The following SRRM4 variants were observed in gnomAD, a reference collection of about 807,000 sequenced individuals.
SRRM4 encodes the protein serine/arginine repetitive matrix protein 4.
A neutral mutation model predicts 68.9 loss-of-function variants in SRRM4; 33 were observed. That is an observed-to-expected ratio of 0.48 (90% confidence interval 0.36 to 0.64). The LOEUF (loss-of-function observed/expected upper bound fraction) is 0.64. SRRM4 is among the 30% of genes least tolerant of loss of function. The pLI, the probability that SRRM4 is intolerant of heterozygous loss-of-function variation, is 0.00. For synonymous variants in SRRM4, 318 were observed against 318.8 expected, an observed-to-expected ratio of 1.00 and a Z score of 0.03; for missense variants, 817 against 827.1, an observed-to-expected ratio of 0.99 and a Z score of 0.15.
chr12:119,063,933 C>A (rs930811506), intron 1 of SRRM4, among the ~76,000 whole-genome samples: 3 of 152,200 alleles, frequency 2.0e-5, no homozygotes, highest in South Asian at 2.1e-4. Flanking sequence ...ATGTAAGAGC[C>A]CCAGGCTTTA....
intron 5 of SRRM4, 48 bp from the exon 6 acceptor site, chr12:119,122,022 T>C: frequency 7.8e-7 from 1 of 1,283,068 alleles, no homozygotes. Flanking sequence ...TTGTTTATCT[T>C]TAACTAGAAT....
At chr12:119,043,771 C>A (rs1178520364) in intron 1 of SRRM4, among the ~76,000 whole-genome samples, 1 of 133,454 alleles carries the variant, frequency 7.5e-6, no homozygotes. Flanking sequence ...CACACATACA[C>A]GCATACACAC....
At chr12:119,073,099 A>AG (rs1953887721) in intron 1 of SRRM4, among the ~76,000 whole-genome samples, 1 of 151,476 alleles carries the variant, frequency 6.6e-6, no homozygotes, top group East Asian at 1.9e-4. Context: ...AAAGGAAAAA[A>AG]AAAAATGTGA....
intron 1 of SRRM4, among the ~76,000 whole-genome samples, chr12:119,077,832 T>C (rs1953925524): frequency 6.6e-6 from 1 of 152,158 alleles, no homozygotes. Context: ...ACAATTACCT[T>C]CCATAAACTA....
Position 119,102,349 on chromosome 12 carries a change from C to T in SRRM4, c.245C>T (p.Thr82Ile). 1 of 1,613,260 alleles carries T rather than the reference C, an allele frequency of 6.2e-7. No homozygotes were observed. Among genetic ancestry groups the T allele is most frequent in the Non-Finnish European group, 8.5e-7 (1 of 1,179,576 alleles). Residue 82 changes from threonine to isoleucine, a missense_variant, in exon 2 of 13, where the codon ACC becomes ATC. Coordinates refer to ENST00000267260, the MANE Select transcript of SRRM4 (RefSeq NM_194286.4). ...ACCAACAGTTGGGAGAGAGACAAGA[C>T]CTGTCGGGAACTGGGTGCCACCAGA... ...LGTNSWERDK[T>I]CRELGATRGH...
intron 1 of SRRM4, among the ~76,000 whole-genome samples, chr12:119,006,458 G>A (rs1565887753): frequency 6.6e-6 from 1 of 152,182 alleles, no homozygotes; most frequent in Non-Finnish European, 1.5e-5. Flanking sequence ...GTGGGAAGTA[G>A]AGCCAGGATT....
rs937202877 is a variant in SRRM4, at chr12:118,984,445, C to A, written c.131+2432C>A. Reference sequence around the variant, plus strand: ...TGAGTCAAGCCCAGATCACAGTCGGCAAACCAGCACATGTAGCAGTCTGCA... The same window carrying A: ...TGAGTCAAGCCCAGATCACAGTCGGAAAACCAGCACATGTAGCAGTCTGCA... On this transcript the variant is annotated intron_variant, in intron 1 of 12. Transcript: ENST00000267260. 2.6e-4 allele frequency among the ~76,000 whole-genome samples: 40 copies of A among 152,106 alleles called. 1 individual carries two copies. The highest frequency in any genetic ancestry group is 2.6e-3 in the Admixed American group (40 of 15,268).
chr12:119,057,771 A>G (rs1415605164), intron 1 of SRRM4, among the ~76,000 whole-genome samples: 1 of 152,206 alleles, frequency 6.6e-6, no homozygotes, highest in Admixed American at 6.5e-5. Context: ...GAATCACCAT[A>G]CTGTCTTCCA....
intron 1 of SRRM4, chr12:119,031,170 C>A (rs1331295762): frequency 6.6e-6 from 1 of 152,164 alleles, no homozygotes; most frequent in Non-Finnish European, 1.5e-5. Flanking sequence ...TCTGAAGACT[C>A]AATTGGGGAA....
intron 1 of SRRM4, among the ~76,000 whole-genome samples, chr12:118,998,031 A>C (rs1392887685): frequency 6.6e-6 from 1 of 152,132 alleles, no homozygotes; most frequent in Non-Finnish European, 1.5e-5. Flanking sequence ...GACTTGCCCA[A>C]GATTGTTCAG....
chr12:119,113,460 A>G (rs1954157110), intron 2 of SRRM4, among the ~76,000 whole-genome samples: 1 of 152,202 alleles, frequency 6.6e-6, no homozygotes, highest in Non-Finnish European at 1.5e-5. Flanking sequence ...TACCATTCTC[A>G]AAGTGTTTGT....
At chr12:119,084,233 A>C (rs958094798) in intron 1 of SRRM4, among the ~76,000 whole-genome samples, 3 of 152,188 alleles carry the variant, frequency 2.0e-5, no homozygotes, top group African/African-American at 7.2e-5. Context: ...GGAAGAGAGC[A>C]GGGGAAGAGA....
At chr12:119,002,100 A>G (rs1328824670) in intron 1 of SRRM4, among the ~76,000 whole-genome samples, 1 of 151,936 alleles carries the variant, frequency 6.6e-6, no homozygotes, top group Non-Finnish European at 1.5e-5. Context: ...CACACTGCCT[A>G]TGTGAAATAC....
chr12:119,085,697 C>A (rs556957188), intron 1 of SRRM4, among the ~76,000 whole-genome samples: 61 of 152,316 alleles, frequency 4.0e-4, no homozygotes, highest in African/African-American at 1.4e-3. Flanking sequence ...TTGTCTCCTG[C>A]ATGGACATCA....
At chr12:119,111,919 G>A (rs560904378) in intron 2 of SRRM4, among the ~76,000 whole-genome samples, 1 of 152,220 alleles carries the variant, frequency 6.6e-6, no homozygotes, top group South Asian at 2.1e-4. Flanking sequence ...GGTGGCGGGG[G>A]CCTGTAGTCC....
At chr12:119,074,141 T>C (rs1188070673) in intron 1 of SRRM4, among the ~76,000 whole-genome samples, 2 of 152,158 alleles carry the variant, frequency 1.3e-5, no homozygotes, top group African/African-American at 2.4e-5. Context: ...TGCTTAGGCT[T>C]AATACTCTTT....
intron 1 of SRRM4, among the ~76,000 whole-genome samples, chr12:119,030,363 A>G (rs1953580665): frequency 6.6e-6 from 1 of 152,200 alleles, no homozygotes; most frequent in Non-Finnish European, 1.5e-5. Flanking sequence ...ACACACTCTC[A>G]GGGATTCTGT....
intron 1 of SRRM4, among the ~76,000 whole-genome samples, chr12:119,041,699 T>G (rs1953669960): frequency 6.6e-6 from 1 of 152,156 alleles, no homozygotes; most frequent in Non-Finnish European, 1.5e-5. Flanking sequence ...GTGGACTGGG[T>G]ACAAATGGAG....
intron 1 of SRRM4, among the ~76,000 whole-genome samples, chr12:119,065,331 G>A (rs984662222): frequency 7.0e-4 from 107 of 152,314 alleles, no homozygotes; most frequent in African/African-American, 2.5e-3. Context: ...TCCCCTGACT[G>A]AAACAGGGAA....
Sources: gnomAD v4.1 joint callset for allele counts (sites outside exome capture counted in the v4.1 genomes callset) on GRCh38, gnomAD v4.1.1 for gene constraint, MANE v1.5 for transcripts, NCBI Gene and HGNC (gene_info 2026-07-23, HGNC 2026-07-21) for gene names.